The following KLHL32 variants were observed in gnomAD, a reference collection of about 807,000 sequenced individuals.
KLHL32 encodes kelch like family member 32, also known as kelch-like protein 32.
Under a neutral mutation model 64.8 loss-of-function variants are expected in KLHL32, and 35 were observed. That is an observed-to-expected ratio of 0.54 (90% CI 0.41 to 0.72). The LOEUF is 0.72. Among genes scored for constraint, KLHL32 ranks in the 30% least tolerant of loss-of-function variants. The pLI is 0.00. For missense variants in KLHL32, 589 were observed against 768.5 expected (o/e 0.77, Z 2.76); for synonymous variants, 259 against 281.0 (o/e 0.92, Z 0.78).
intron 1 of KLHL32, among the ~76,000 whole-genome samples, chr6:96,961,524 A>G (rs1773881816): frequency 6.6e-6 from 1 of 152,184 alleles, no homozygotes; most frequent in Non-Finnish European, 1.5e-5. Flanking sequence ...GCCTGTATGC[A>G]GCAAGCTAAT....
intron 9 of KLHL32, 33 bp downstream of exon 9, chr6:97,130,982 G>A (rs976985016): frequency 2.5e-6 from 4 of 1,587,160 alleles, no homozygotes; most frequent in Non-Finnish European, 3.4e-6. Flanking sequence ...ATCAGGAAAA[G>A]TAGATTCAAG....
the KLHL32 span, among the ~76,000 whole-genome samples, chr6:96,916,727 A>G: frequency 6.6e-6 from 1 of 152,224 alleles, no homozygotes; most frequent in South Asian, 2.1e-4. Flanking sequence ...CAAAGGCCCC[A>G]GTGAAAACAT....
the KLHL32 span, among the ~76,000 whole-genome samples, chr6:96,916,904 G>T: frequency 1.3e-5 from 2 of 152,080 alleles, no homozygotes; most frequent in Non-Finnish European, 2.9e-5. Context: ...AAAATTATGT[G>T]TGGTGAAATA....
chr6:96,929,972 G>A (rs756945320), intron 1 of KLHL32, among the ~76,000 whole-genome samples: 1 of 152,032 alleles, frequency 6.6e-6, no homozygotes, highest in Admixed American at 6.6e-5. Context: ...ATGGACTCTT[G>A]ACAACATTTT....
At chr6:97,095,229 A>G (rs1794810663) in intron 6 of KLHL32, among the ~76,000 whole-genome samples, 1 of 152,212 alleles carries the variant, frequency 6.6e-6, no homozygotes, top group African/African-American at 2.4e-5. Context: ...TGAGAATGAC[A>G]TTGGACCTGC....
intron 3 of KLHL32, among the ~76,000 whole-genome samples, chr6:97,033,597 C>CAAAA (rs1783893352): frequency 1.3e-5 from 2 of 151,992 alleles, no homozygotes; most frequent in African/African-American, 2.4e-5. Context: ...TTTTAGTACC[C>CAAAA]TCTCTACTGT....
intron 3 of KLHL32, among the ~76,000 whole-genome samples, chr6:97,014,122 G>A (rs183972306): frequency 0.011 from 1,663 of 151,986 alleles, 33 homozygotes; most frequent in African/African-American, 0.039. Flanking sequence ...GTGAAACCCC[G>A]TCTCTACTAA....
rs9487759 is a variant in KLHL32, at chr6:97,024,991, C to T, written c.205-16501C>T. The T allele has an allele frequency of 4.4e-3, 4,304 of 984,718 alleles. 138 individuals carry two copies. In the African/African-American group the frequency reaches 0.068, roughly 16 times the overall value. The allele number at this position is 984,718 out of a possible 1,614,324, so 61.0% of individuals were successfully genotyped here. Reference sequence around the variant, plus strand: ...ATTTGCATTCATGCTTATTTGATCTCAGGTATACGGTCAACCTCAGCTTCA... The same window carrying T: ...ATTTGCATTCATGCTTATTTGATCTTAGGTATACGGTCAACCTCAGCTTCA... On this transcript the variant is annotated intron_variant, in intron 3 of 10. Transcript: ENST00000369261.
In KLHL32 at chr6:96,940,451, T is replaced by C. The variant is rs148460758; in HGVS notation, c.-66+15425T>C. On this transcript the variant is annotated intron_variant, in intron 1 of 10. Transcript: ENST00000369261. ...AGTGGTGTGATTCAAGGAGAGAGCATTTACTGATGCAGAATGCTGCTGATA... is the reference window on the plus strand; with the variant it reads ...AGTGGTGTGATTCAAGGAGAGAGCACTTACTGATGCAGAATGCTGCTGATA... 3.1e-4 allele frequency among the ~76,000 whole-genome samples: 47 copies of C among 152,272 alleles called. No homozygotes were observed. In the East Asian group the frequency reaches 8.3e-3, roughly 27 times the overall value.
At chr6:97,029,036 A>G (rs1179209146) in intron 3 of KLHL32, among the ~76,000 whole-genome samples, 1 of 152,250 alleles carries the variant, frequency 6.6e-6, no homozygotes, top group Non-Finnish European at 1.5e-5. Flanking sequence ...ACTGGCAAGG[A>G]CAAATTTTGT....
chr6:97,053,172 A>G (rs1422387966), intron 4 of KLHL32, among the ~76,000 whole-genome samples: 2 of 152,056 alleles, frequency 1.3e-5, no homozygotes, highest in African/African-American at 4.8e-5. Context: ...TTTTATTCTT[A>G]ATATTTAAAT....
the KLHL32 span, among the ~76,000 whole-genome samples, chr6:96,918,098 A>T: frequency 6.6e-6 from 1 of 152,198 alleles, no homozygotes; most frequent in Non-Finnish European, 1.5e-5. Flanking sequence ...CTGGCCTAGA[A>T]GGAAGAAGCT....
intron 2 of KLHL32, among the ~76,000 whole-genome samples, chr6:96,974,923 G>A (rs1049629406): frequency 1.8e-4 from 27 of 152,220 alleles, no homozygotes; most frequent in African/African-American, 6.5e-4. Context: ...GCTTTGAGAT[G>A]GATCTGCTGG....
intron 3 of KLHL32, among the ~76,000 whole-genome samples, chr6:96,998,562 C>T (rs905336513): frequency 6.6e-6 from 1 of 151,948 alleles, no homozygotes; most frequent in Admixed American, 6.6e-5. Context: ...AAAGCATTAC[C>T]CTGCAGTTGT....
rs113113608 is a variant in KLHL32, at chr6:97,064,062, A to G, written c.313-566A>G. Among the ~76,000 whole-genome samples, 1,385 of 152,350 alleles carry G rather than the reference A, an allele frequency of 9.1e-3. 22 individuals are homozygous for G. The highest frequency in any genetic ancestry group is 0.03 in the African/African-American group (1,267 of 41,584). Reference sequence around the variant, plus strand: ...TAGTTGAACCTCCTTTATTTTAAATAGAAAGGATAAGAGAATCTGAGACTG... The same window carrying G: ...TAGTTGAACCTCCTTTATTTTAAATGGAAAGGATAAGAGAATCTGAGACTG... On this transcript the variant is annotated intron_variant, in intron 4 of 10. Transcript: ENST00000369261.
chr6:96,994,675 A>C (rs763420657), intron 3 of KLHL32: 1 of 952,582 alleles, frequency 1.0e-6, no homozygotes. Context: ...CGTGCAAAGT[A>C]CTATGAGTTC....
intron 3 of KLHL32, among the ~76,000 whole-genome samples, chr6:97,037,207 T>C (rs1461494134): frequency 6.6e-6 from 1 of 152,084 alleles, no homozygotes; most frequent in Admixed American, 6.5e-5. Context: ...AGAGCAATAA[T>C]TTAGTGTTTC....
intron 6 of KLHL32, among the ~76,000 whole-genome samples, chr6:97,093,067 TCCAGA>T (rs535381044): frequency 8.9e-4 from 135 of 152,344 alleles, no homozygotes; most frequent in African/African-American, 3.1e-3. Flanking sequence ...TCATGTTGTT[TCCAGA>T]CTGATATTTT....
intron 3 of KLHL32, among the ~76,000 whole-genome samples, chr6:97,023,017 A>AT (rs1562252794): frequency 6.6e-6 from 1 of 152,134 alleles, no homozygotes; most frequent in Non-Finnish European, 1.5e-5. Flanking sequence ...ATCAGATATC[A>AT]TGAGAACTCA....
Sources: gnomAD v4.1 joint callset for allele counts (sites outside exome capture counted in the v4.1 genomes callset) on GRCh38, gnomAD v4.1.1 for gene constraint, MANE v1.5 for transcripts, NCBI Gene and HGNC (gene_info 2026-07-23, HGNC 2026-07-21) for gene names.